The following ANO10 variants were observed in gnomAD, a reference collection of about 807,000 sequenced individuals.
ANO10 encodes the protein anoctamin-10.
Under a neutral mutation model 74.7 loss-of-function variants are expected in ANO10, and 77 were observed. The observed-to-expected ratio is 1.03, with a 90% CI of 0.86 to 1.25. ANO10 has a LOEUF of 1.25. ANO10 is among the 50% of genes most tolerant of loss of function. The pLI, the probability that ANO10 is intolerant of heterozygous loss-of-function variation, is 0.00. For missense variants in ANO10, 721 were observed against 778.1 expected, an observed-to-expected ratio of 0.93 and a Z score of 0.87; for synonymous variants, 279 against 284.9, an observed-to-expected ratio of 0.98 and a Z score of 0.21.
In ANO10 at chr3:43,366,459, C is replaced by T. The variant is rs112787589; in HGVS notation, c.*447G>A. 2,230 of 295,332 alleles carry T rather than the reference C, an allele frequency of 7.6e-3. 14 individuals are homozygous for T. Among genetic ancestry groups the T allele is most frequent in the Non-Finnish European group, 0.011 (1,715 of 150,638 alleles). The allele number at this position is 295,332 out of a possible 1,614,324, so 18.3% of individuals were successfully genotyped here. On this transcript the variant is annotated 3_prime_UTR_variant, in exon 13 of 13. Transcript: ENST00000292246. Reference sequence around the variant, plus strand: ...TGTGGGAAGCACTGCCTTACTGTACCCCGCTCACTCTCAACTGAGGCTCCT... The same window carrying T: ...TGTGGGAAGCACTGCCTTACTGTACTCCGCTCACTCTCAACTGAGGCTCCT...
chr3:43,466,427 T>C (rs1291507367), intron 11 of ANO10, among the ~76,000 whole-genome samples: 1 of 135,472 alleles, frequency 7.4e-6, no homozygotes, highest in Non-Finnish European at 1.6e-5. Context: ...AGAATATAGA[T>C]ATATAAATGG....
upstream of ANO10, among the ~76,000 whole-genome samples, chr3:43,622,249 A>G (rs555498760): frequency 6.6e-6 from 1 of 152,242 alleles, no homozygotes; most frequent in South Asian, 2.1e-4. Flanking sequence ...CGCCTGGAAC[A>G]GGAGACCAGG....
At chr3:43,400,404 C>T (rs910411019) in intron 12 of ANO10, among the ~76,000 whole-genome samples, 1 of 152,106 alleles carries the variant, frequency 6.6e-6, no homozygotes, top group African/African-American at 2.4e-5. Flanking sequence ...TAGAGAAAGT[C>T]GACTGGCTGG....
intron 11 of ANO10, among the ~76,000 whole-genome samples, chr3:43,489,175 T>TG (rs1293121519): frequency 1.5e-5 from 1 of 66,862 alleles, no homozygotes; most frequent in African/African-American, 6.2e-5. Flanking sequence ...TGTTGTGGGG[T>TG]GGGGGGAGGG....
intron 11 of ANO10, among the ~76,000 whole-genome samples, chr3:43,448,387 T>G (rs2093280070): frequency 6.6e-6 from 1 of 152,174 alleles, no homozygotes; most frequent in South Asian, 2.1e-4. Flanking sequence ...CCACTGATCT[T>G]TTTACTGTCT....
chr3:43,383,163 A>C (rs1242017499), intron 12 of ANO10, among the ~76,000 whole-genome samples: 1 of 152,142 alleles, frequency 6.6e-6, no homozygotes, highest in Non-Finnish European at 1.5e-5. Context: ...TATCAAAAAG[A>C]TAATCCATGG....
intron 1 of ANO10, among the ~76,000 whole-genome samples, chr3:43,618,894 C>T (rs977021007): frequency 6.6e-6 from 1 of 152,104 alleles, no homozygotes; most frequent in Non-Finnish European, 1.5e-5. Flanking sequence ...CTCCGCCTCC[C>T]GGGTTCACGC....
chr3:43,428,152 C>T (rs1320548040), intron 12 of ANO10, among the ~76,000 whole-genome samples: 3 of 151,908 alleles, frequency 2.0e-5, no homozygotes, highest in Non-Finnish European at 2.9e-5. Flanking sequence ...GAGATTCAAG[C>T]GATTCTCGTG....
chr3:43,652,860 T>C (rs2083803946), intron 1 of ANO10: 1 of 151,882 alleles, frequency 6.6e-6, no homozygotes, highest in South Asian at 2.1e-4. Flanking sequence ...ATAAATACCA[T>C]AGTGTTAATA....
At position 43,544,833 on chromosome 3, in the gene ANO10, G is replaced by A. The variant is rs150047938; in HGVS notation, c.1797+4887C>T. The stretch of plus-strand genomic sequence containing the variant: ...AAAAAAAAAAGAATCAGAAACCTGC[G>A]TAAAAAATAAAGTGACCTGGCTTTG... On this transcript the variant is annotated intron_variant, in intron 11 of 12. Transcript: ENST00000292246. Among the ~76,000 whole-genome samples the A allele has an allele frequency of 4.7e-3, 699 of 148,128 alleles. 5 individuals carry two copies. The highest frequency in any genetic ancestry group is 0.016 in the African/African-American group (666 of 40,404).
At chr3:43,440,441 C>T (rs2093142229) in intron 11 of ANO10, among the ~76,000 whole-genome samples, 1 of 151,958 alleles carries the variant, frequency 6.6e-6, no homozygotes, top group Non-Finnish European at 1.5e-5. Context: ...AATTAACAAA[C>T]TGTTATAAGA....
intron 7 of ANO10, among the ~76,000 whole-genome samples, chr3:43,569,386 AAG>A (rs1233788086): frequency 6.9e-6 from 1 of 144,384 alleles, no homozygotes; most frequent in Non-Finnish European, 1.5e-5. Flanking sequence ...ACAACCAAAA[AAG>A]AGAATTTTAG....
intron 12 of ANO10, among the ~76,000 whole-genome samples, chr3:43,376,004 GGAAGGAGCCCCTT>G (rs2091792806): frequency 6.6e-6 from 1 of 152,202 alleles, no homozygotes; most frequent in Non-Finnish European, 1.5e-5. Context: ...GAAAGAGAAT[GGAAGGAGCCCCTT>G]GGTGGTTCAT....
intron 11 of ANO10, among the ~76,000 whole-genome samples, chr3:43,445,720 T>C (rs2093234796): frequency 6.6e-6 from 1 of 152,134 alleles, no homozygotes. Context: ...TTTTTGTTTT[T>C]GAGACGGGGT....
intron 12 of ANO10, among the ~76,000 whole-genome samples, chr3:43,430,778 T>C (rs987749503): frequency 4.6e-5 from 7 of 152,238 alleles, no homozygotes; most frequent in African/African-American, 1.7e-4. Flanking sequence ...TTCTCAGATG[T>C]TTATTTTGAT....
intron 12 of ANO10, among the ~76,000 whole-genome samples, chr3:43,411,340 C>T (rs2092661888): frequency 6.6e-6 from 1 of 152,176 alleles, no homozygotes; most frequent in Admixed American, 6.5e-5. Flanking sequence ...CTTGCCTCCC[C>T]ATTTTCTTTA....
intron 4 of ANO10, among the ~76,000 whole-genome samples, chr3:43,593,420 A>T (rs942768596): frequency 1.3e-5 from 2 of 152,204 alleles, no homozygotes; most frequent in Non-Finnish European, 2.9e-5. Flanking sequence ...CTCAGCAGAA[A>T]CTCTACAAGC....
chr3:43,517,658 T>C (rs776159718), intron 11 of ANO10, among the ~76,000 whole-genome samples: 52 of 152,318 alleles, frequency 3.4e-4, no homozygotes, highest in Non-Finnish European at 7.2e-4. Context: ...GAATGGAACC[T>C]ACCCTGTTGG....
intron 1 of ANO10, among the ~76,000 whole-genome samples, chr3:43,675,973 T>C (rs536411041): frequency 5.0e-4 from 76 of 152,330 alleles, no homozygotes; most frequent in African/African-American, 1.8e-3. Flanking sequence ...TACATAAATG[T>C]TTTTGGCAGC....
Sources: allele counts gnomAD v4.1 joint callset (sites outside exome capture counted in the v4.1 genomes callset), GRCh38; gene constraint gnomAD v4.1.1; transcripts MANE v1.5; gene names NCBI Gene and HGNC (gene_info 2026-07-23, HGNC 2026-07-21).